Variants in ZFYVE26 observed in about 807,000 individuals in gnomAD.
ZFYVE26 encodes zinc finger FYVE-type containing 26.
ZFYVE26 carries 181 observed loss-of-function variants against 276.5 expected under a neutral mutation model. The observed-to-expected ratio is 0.65, with a 90% CI of 0.58 to 0.74. The LOEUF (loss-of-function observed/expected upper bound fraction) is 0.74, where lower values mean the gene tolerates loss of function less well. Among genes scored for constraint, ZFYVE26 ranks in the 30% least tolerant of loss-of-function variants. The probability of loss-of-function intolerance (pLI) is 0.00; values close to 1 mark genes in which losing one functional copy is unlikely to be tolerated. For missense variants in ZFYVE26, 2,821 were observed against 3,097.9 expected (o/e 0.91, Z 2.12); for synonymous variants, 1,129 against 1,203.1 (o/e 0.94, Z 1.27).
At position 67,807,589 on chromosome 14, in the gene ZFYVE26, A is replaced by T; in HGVS notation, c.695T>A (p.Leu232His). ...ACACAGGAGATGCAACTCAACCCCA[A>T]GTGGTTCTGCGGGGCAACGCAGAGT... Reference protein sequence around the residue: ...LRTLRCPAEPLGVELHLLCEE... With the variant: ...LRTLRCPAEPHGVELHLLCEE... Residue 232 changes from leucine (L) to histidine (H), a missense_variant, in exon 5 of 42, where the codon CTT (leucine) becomes CAT (histidine). Leu to His is a moderately conservative substitution (Grantham distance 99). Transcript: ENST00000347230. 6.2e-7 allele frequency: 1 copy of T among 1,614,136 alleles called. No individual in the cohort carries two copies. The highest frequency in any genetic ancestry group is 8.5e-7 in the Non-Finnish European group (1 of 1,180,006).
chr14:67,777,593 T>C lies in ZFYVE26; in HGVS notation c.4940A>G (p.His1647Arg), dbSNP rs2039378790. ...HFYGQLTAVR[H>R]REIQALYVGS... Reference sequence around the variant, plus strand: ...CACATACAGCGCCTGGATTTCACGGTGTCGGACAGCAGTCAGTTGTCCATA... The same window carrying C: ...CACATACAGCGCCTGGATTTCACGGCGTCGGACAGCAGTCAGTTGTCCATA... The change falls in exon 25 of 42, where the codon CAC (histidine) becomes CGC (arginine). Residue 1647 changes from histidine (H) to arginine (R), a missense_variant. His to Arg is a conservative substitution (Grantham distance 29). Coordinates refer to ENST00000347230, the MANE Select transcript of ZFYVE26 (RefSeq NM_015346.4). The C allele has an allele frequency of 1.9e-6, 3 of 1,614,096 alleles. No individual in the cohort carries two copies. The highest frequency in any genetic ancestry group is 1.7e-6 in the Non-Finnish European group (2 of 1,180,032).
chr14:67,762,097 C>G, intron 34 of ZFYVE26, 106 bp downstream of exon 34: 4 of 1,381,762 alleles, frequency 2.9e-6, no homozygotes, highest in East Asian at 2.3e-5. Flanking sequence ...TGATGCTGAG[C>G]CAGGACTGAC....
chr14:67,797,784 A>G, intron 11 of ZFYVE26, 29 bp from the exon 12 acceptor site: 1 of 1,613,054 alleles, frequency 6.2e-7, no homozygotes, highest in Non-Finnish European at 8.5e-7. Flanking sequence ...TGGGACAGAA[A>G]GGAGAGTGAT....
intron 28 of ZFYVE26, chr14:67,770,143 C>T (rs2039170124): frequency 1.4e-5 from 4 of 283,936 alleles, no homozygotes; most frequent in East Asian, 1.7e-4. Flanking sequence ...TTAGCAGGTG[C>T]CATTTGTAAC....
chr14:67,775,199 G>A, intron 26 of ZFYVE26, 85 bp from the exon 27 acceptor site: 1 of 910,872 alleles, frequency 1.1e-6, no homozygotes, highest in South Asian at 1.7e-5. Flanking sequence ...ACAAAGCTCT[G>A]TTGGCTTCTC....
At chr14:67,804,457 A>T (rs1460919555) in intron 8 of ZFYVE26, among the ~76,000 whole-genome samples, 193 bp from the exon 9 acceptor site, 2 of 152,180 alleles carry the variant, frequency 1.3e-5, no homozygotes, top group African/African-American at 4.8e-5. Flanking sequence ...ACATCTATCA[A>T]ACCAGCTCTA....
At position 67,806,563 on chromosome 14, in the gene ZFYVE26, G is replaced by A. The variant is rs1566897319; in HGVS notation, c.999C>T (p.His333=). ...GACTTACCAGAATCTGCTCGAGGAA[G>A]TGTTTGTTGTTGCTCAGGCAGTAGA... The part of the protein sequence containing the change: ...AYFYCLSNNK[H]FLEQILVTAL... Residue 333 remains histidine, a synonymous_variant, in exon 6 of 42, where the codon CAC becomes CAT. Transcript: ENST00000347230. The A allele has an allele frequency of 6.2e-7, 1 of 1,614,232 alleles. No homozygotes were observed. The highest frequency in any genetic ancestry group is 1.7e-5 in the Admixed American group (1 of 60,028).
chr14:67,749,383 T>C (rs1176743724), intron 41 of ZFYVE26, among the ~76,000 whole-genome samples: 2 of 152,164 alleles, frequency 1.3e-5, no homozygotes, highest in Admixed American at 1.3e-4. Flanking sequence ...TTGCAGGATA[T>C]GCGTATGTGT....
At chr14:67,807,346 T>TG in intron 5 of ZFYVE26, 52 bp downstream of exon 5, 2 of 1,610,114 alleles carry the variant, frequency 1.2e-6, no homozygotes, top group South Asian at 2.2e-5. Flanking sequence ...CCAGCAAGGC[T>TG]GGGCATACTG....
intron 12 of ZFYVE26, among the ~76,000 whole-genome samples, chr14:67,795,332 A>G (rs561946315): frequency 2.0e-5 from 3 of 152,314 alleles, no homozygotes; most frequent in African/African-American, 7.2e-5. Flanking sequence ...CGCCCCACCC[A>G]GTATGCTCAC....
At chr14:67,743,872 G>A (rs1025915466), downstream of ZFYVE26, among the ~76,000 whole-genome samples, 2 of 152,204 alleles carry the variant, frequency 1.3e-5, no homozygotes, top group Admixed American at 6.5e-5. Flanking sequence ...GATGGCACTC[G>A]ATGCAGGACT....
chr14:67,785,825 C>CT, intron 18 of ZFYVE26, 33 bp downstream of exon 18: 1 of 1,613,784 alleles, frequency 6.2e-7, no homozygotes, highest in Non-Finnish European at 8.5e-7. Flanking sequence ...CCCAGTTCAG[C>CT]TTTTATTTGT....
chr14:67,793,070 G>A (rs904479321), intron 14 of ZFYVE26, among the ~76,000 whole-genome samples: 1 of 151,992 alleles, frequency 6.6e-6, no homozygotes, highest in African/African-American at 2.4e-5. Context: ...GACCAGCCTG[G>A]CCAACATGGC....
Position 67,802,086 on chromosome 14 carries a change from GGA to G in ZFYVE26, c.1630_1631del (p.Ser544LeufsTer24), listed in dbSNP as rs1338331744. On this transcript the variant is annotated frameshift_variant, in exon 10 of 42. Transcript: ENST00000347230. LOFTEE classifies it high-confidence loss of function. ...SATEPANDSL[S>X]SPGAANLFST... ...TGGAGGGAAGTGCTGTACCTGGGGA[GGA>G]GAGAGAGTCATTCGCTGGCTCTGTA... The G allele has an allele frequency of 1.2e-6, 2 of 1,612,870 alleles. No individual in the cohort carries two copies.
intron 3 of ZFYVE26, among the ~76,000 whole-genome samples, chr14:67,813,393 T>C (rs1340432416): frequency 6.6e-6 from 1 of 152,198 alleles, no homozygotes; most frequent in Non-Finnish European, 1.5e-5. Context: ...GTAATTCTTT[T>C]ATAAGATATA....
At chr14:67,773,552 C>CA (rs2039266893) in intron 27 of ZFYVE26, among the ~76,000 whole-genome samples, 2 of 14,256 alleles carry the variant, frequency 1.4e-4, no homozygotes, top group Non-Finnish European at 3.5e-4. Context: ...AAAAAAAAGG[C>CA]GCACACACAC....
chr14:67,752,289 G>C (rs902383103), intron 40 of ZFYVE26, 55 bp downstream of exon 40: 1 of 1,550,568 alleles, frequency 6.4e-7, no homozygotes, highest in Admixed American at 1.9e-5. Flanking sequence ...TAAAGATGGG[G>C]ATGTGAAGAC....
intron 35 of ZFYVE26, among the ~76,000 whole-genome samples, chr14:67,758,564 T>C (rs1000504771): frequency 2.0e-5 from 3 of 152,164 alleles, no homozygotes; most frequent in African/African-American, 4.8e-5. Context: ...TAATGCTGCT[T>C]GAGTGTTCTG....
At chr14:67,761,197 G>A (rs1426507664) in intron 35 of ZFYVE26, 169 bp downstream of exon 35, 8 of 727,826 alleles carry the variant, frequency 1.1e-5, no homozygotes, top group African/African-American at 1.7e-5. Context: ...CACACTCACT[G>A]AATAACAGTT....
Sources: allele counts gnomAD v4.1 joint callset (sites outside exome capture counted in the v4.1 genomes callset), GRCh38; gene constraint gnomAD v4.1.1; transcripts MANE v1.5; gene names NCBI Gene and HGNC (gene_info 2026-07-23, HGNC 2026-07-21).